Variants in PRKX observed in about 807,000 individuals in gnomAD.
PRKX encodes protein kinase cAMP-dependent X-linked catalytic subunit.
A neutral mutation model predicts 22.0 loss-of-function variants in PRKX; 12 were observed. The observed-to-expected ratio is 0.54, with a 90% CI of 0.35 to 0.88. The LOEUF (loss-of-function observed/expected upper bound fraction) is 0.88. PRKX is among the 40% of genes least tolerant of loss of function. PRKX has a pLI of 0.01. For missense variants in PRKX, 217 were observed against 308.0 expected (o/e 0.70, Z 2.21); for synonymous variants, 134 against 137.7 (o/e 0.97, Z 0.19).
chrX:3,619,430 G>A (rs1053020053), intron 6 of PRKX, among the ~76,000 whole-genome samples: 1 of 112,115 alleles, frequency 8.9e-6, no homozygotes, highest in African/African-American at 3.2e-5. Flanking sequence ...ACCTGGGAAT[G>A]GAACCCTACA....
intron 1 of PRKX, among the ~76,000 whole-genome samples, chrX:3,680,164 TAC>T (rs1928042974): frequency 9.1e-6 from 1 of 109,971 alleles, no homozygotes. Flanking sequence ...TTGTTGTTGT[TAC>T]AGAGTCTCAC....
At chrX:3,654,484 T>A (rs1927436682) in intron 3 of PRKX, among the ~76,000 whole-genome samples, 1 of 99,195 alleles carries the variant, frequency 1.0e-5, no homozygotes, top group Admixed American at 1.1e-4. Flanking sequence ...TTTTGTTTTG[T>A]TTTTTTTTGA....
In PRKX at chrX:3,605,720, G is replaced by A. The variant is rs1171651999; in HGVS notation, c.*3249C>T. 1.8e-5 allele frequency: 2 copies of A among 112,045 alleles called. No individual in the cohort carries two copies. Among genetic ancestry groups the A allele is most frequent in the Non-Finnish European group, 3.8e-5 (2 of 53,227 alleles). The allele number at this position is 112,045 out of a possible 1,213,427, so 9.2% of individuals were successfully genotyped here. ...AAGTATGGACAGAAAGAAACAAAAC[G>A]CTGAATGGGAAATTCAGTAACAAGT... On this transcript the variant is annotated 3_prime_UTR_variant, in exon 9 of 9. Coordinates refer to ENST00000262848, the MANE Select transcript of PRKX (RefSeq NM_005044.5).
chrX:3,656,587 G>A (rs1399726316), intron 2 of PRKX, among the ~76,000 whole-genome samples: 4 of 111,462 alleles, frequency 3.6e-5, no homozygotes, highest in Non-Finnish European at 5.7e-5. Flanking sequence ...TAGGATATGC[G>A]TGTGTGTAGA....
chrX:3,612,341 G>A lies in PRKX; in HGVS notation c.952-16C>T. The A allele has an allele frequency of 4.2e-6, 5 of 1,203,936 alleles. No homozygotes were observed. The highest frequency in any genetic ancestry group is 3.6e-5 in the South Asian group (2 of 55,403). On this transcript the variant is annotated splice_polypyrimidine_tract_variant and intron_variant, in intron 7 of 8. Coordinates refer to ENST00000262848, the MANE Select transcript of PRKX (RefSeq NM_005044.5). ...CGATGGGAGGCTGTGAGACATGGCCGAAGCACAAAGGCATGGTTAGAAAGG... is the reference window on the plus strand; with the variant it reads ...CGATGGGAGGCTGTGAGACATGGCCAAAGCACAAAGGCATGGTTAGAAAGG...
At chrX:3,639,017 C>G (rs188918317) in intron 4 of PRKX, among the ~76,000 whole-genome samples, 1,039 of 85,956 alleles carry the variant, frequency 0.012, 16 homozygotes, top group African/African-American at 0.044. Flanking sequence ...TAAATGACAA[C>G]TTAGATGATA....
At chrX:3,702,924 G>C (rs1412375453) in intron 1 of PRKX, among the ~76,000 whole-genome samples, 1 of 110,277 alleles carries the variant, frequency 9.1e-6, no homozygotes, top group Non-Finnish European at 1.9e-5. Context: ...TCAAACGTCT[G>C]GACTCAAGTG....
At chrX:3,709,561 A>G (rs997393666) in intron 1 of PRKX, among the ~76,000 whole-genome samples, 8 of 111,385 alleles carry the variant, frequency 7.2e-5, no homozygotes, top group Non-Finnish European at 1.5e-4. Context: ...TGACAGGTTA[A>G]CACTTGGGGT....
chrX:3,620,628 C>T (rs1926533943), intron 6 of PRKX, among the ~76,000 whole-genome samples: 1 of 112,449 alleles, frequency 8.9e-6, no homozygotes, highest in Admixed American at 9.4e-5. Flanking sequence ...CATAGGAGCA[C>T]ACACCCTATT....
At chrX:3,682,056 G>A (rs1006782454) in intron 1 of PRKX, among the ~76,000 whole-genome samples, 2 of 111,544 alleles carry the variant, frequency 1.8e-5, no homozygotes, top group African/African-American at 6.5e-5. Flanking sequence ...GGAATTTCAC[G>A]CGGTCACAAA....
At chrX:3,629,589 C>T (rs1001934742) in intron 4 of PRKX, among the ~76,000 whole-genome samples, 1 of 110,753 alleles carries the variant, frequency 9.0e-6, no homozygotes, top group African/African-American at 3.3e-5. Flanking sequence ...ATTCATGGAA[C>T]AGTATGTGGC....
chrX:3,663,131 C>A (rs146985903), intron 2 of PRKX, among the ~76,000 whole-genome samples: 1 of 109,595 alleles, frequency 9.1e-6, no homozygotes, highest in Admixed American at 9.8e-5. Flanking sequence ...TGAGCCACTA[C>A]GCCCTGCCTA....
rs1435681659 is a variant in PRKX, at chrX:3,638,971, G to A, written c.719+2881C>T. On this transcript the variant is annotated intron_variant, in intron 4 of 8. Transcript: ENST00000262848. ...GGTAGGCAGATAAAAAGATCGTAGA[G>A]ATAAAGAGATGGAGAGAGATGGATA... Among the ~76,000 whole-genome samples the A allele has an allele frequency of 3.0e-5, 3 of 100,874 alleles. No individual in the cohort carries two copies. The East Asian group carries it at 9.6e-4, about 32-fold the overall frequency. 87.6% of individuals were successfully genotyped at this position (100,874 alleles called of 115,157 possible).
At chrX:3,703,338 C>A (rs192768712) in intron 1 of PRKX, among the ~76,000 whole-genome samples, 59 of 111,936 alleles carry the variant, frequency 5.3e-4, no homozygotes, top group African/African-American at 1.7e-3. Context: ...GCCACTGTAT[C>A]ATCTGACAGA....
At chrX:3,642,357 G>A (rs918301574) in intron 3 of PRKX, among the ~76,000 whole-genome samples, 9 of 110,647 alleles carry the variant, frequency 8.1e-5, no homozygotes, top group African/African-American at 2.6e-4. Flanking sequence ...CAACATGGAC[G>A]GAGGTGGAGA....
At chrX:3,682,783 A>G in intron 1 of PRKX, among the ~76,000 whole-genome samples, 1 of 108,025 alleles carries the variant, frequency 9.3e-6, no homozygotes, top group Admixed American at 9.9e-5. Flanking sequence ...GGACTGAACT[A>G]TGGTCTCCCA....
intron 1 of PRKX, among the ~76,000 whole-genome samples, chrX:3,706,781 C>T (rs1172142311): frequency 3.6e-5 from 4 of 111,930 alleles, no homozygotes; most frequent in Non-Finnish European, 7.5e-5. Flanking sequence ...GTGCTGCAGG[C>T]GAAACCCATT....
At chrX:3,618,152 G>T (rs970400527) in intron 6 of PRKX, among the ~76,000 whole-genome samples, 4 of 109,258 alleles carry the variant, frequency 3.7e-5, no homozygotes, top group African/African-American at 6.7e-5. Flanking sequence ...TAAAAAAGTT[G>T]AACTCATAGA....
intron 1 of PRKX, among the ~76,000 whole-genome samples, chrX:3,694,925 G>A (rs750692086): frequency 8.9e-6 from 1 of 112,196 alleles, no homozygotes; most frequent in Non-Finnish European, 1.9e-5. Flanking sequence ...CCTCCAGAGG[G>A]AGCACAATCC....
Sources: gnomAD v4.1 joint callset for allele counts (sites outside exome capture counted in the v4.1 genomes callset) on GRCh38, gnomAD v4.1.1 for gene constraint, MANE v1.5 for transcripts, NCBI Gene and HGNC (gene_info 2026-07-23, HGNC 2026-07-21) for gene names.